PTGES2: variants seen among roughly 807,000 people sequenced by gnomAD.
PTGES2 encodes the protein prostaglandin E synthase 2.
PTGES2 carries 35 observed loss-of-function variants against 44.5 expected under a neutral mutation model. That is an observed-to-expected ratio of 0.79 (90% CI 0.60 to 1.04). The LOEUF is 1.04. PTGES2 is among the 50% of genes least tolerant of loss of function. The pLI, the probability that PTGES2 is intolerant of heterozygous loss-of-function variation, is 0.00. For synonymous variants in PTGES2, 221 were observed against 227.5 expected, an observed-to-expected ratio of 0.97 and a Z score of 0.26; for missense variants, 517 against 521.4, an observed-to-expected ratio of 0.99 and a Z score of 0.08.
chr9:128,122,423 A>G lies in PTGES2; in HGVS notation c.944T>C (p.Val315Ala), dbSNP rs1473084380. 6.2e-7 allele frequency: 1 copy of G among 1,614,030 alleles called. No homozygotes were observed. Among genetic ancestry groups the G allele is most frequent in the Admixed American group, 1.7e-5 (1 of 60,010 alleles). The change falls in exon 6 of 7, where the codon GTG (valine) becomes GCG (alanine). Residue 315 changes from valine to alanine, a missense_variant. Val to Ala is a moderately conservative substitution (Grantham distance 64). Transcript: ENST00000338961. ...GGGCCGGTCCTTGCCCACAGCAGCC[A>G]CCCACTTGTCAGCAGCCTCATAGAG... Reference protein sequence around the residue: ...EDLYEAADKWVAAVGKDRPFM... With the variant: ...EDLYEAADKWAAAVGKDRPFM...
upstream of PTGES2, chr9:128,127,805 C>A (rs918923561): frequency 1.0e-5 from 12 of 1,179,926 alleles, no homozygotes; most frequent in African/African-American, 1.9e-4. Flanking sequence ...TCTGGCGCCC[C>A]GCGGGTTGGC....
In PTGES2 at chr9:128,123,251, T is replaced by A; in HGVS notation, c.687-117A>T. ...AAGCTGAAGCCTGAGCAGGAAGGTCTTTTTTTTTTTTTTGAGACAAAGTCT... is the reference window on the plus strand; with the variant it reads ...AAGCTGAAGCCTGAGCAGGAAGGTCATTTTTTTTTTTTTGAGACAAAGTCT... On this transcript the variant is annotated intron_variant, in intron 4 of 6. Transcript: ENST00000338961. The surrounding 1 kb of genome is among the most constrained non-coding windows in gnomAD (Gnocchi z 4.4). 11 of 15,680 alleles carry A rather than the reference T, an allele frequency of 7.0e-4. No homozygotes were observed. The highest frequency in any genetic ancestry group is 4.1e-3 in the Non-Finnish European group (10 of 2,430). The allele number at this position is 15,680 out of a possible 1,614,324, so 1.0% of individuals were successfully genotyped here.
intron 6 of PTGES2, 48 bp from the exon 7 acceptor site, chr9:128,121,321 C>G (rs780826590): frequency 7.0e-6 from 11 of 1,581,836 alleles, no homozygotes; most frequent in Non-Finnish European, 9.5e-6. Flanking sequence ...TGACAGGCAT[C>G]CAGACCTCCT....
intron 1 of PTGES2, among the ~76,000 whole-genome samples, chr9:128,126,274 G>A (rs1834613118): frequency 6.6e-6 from 1 of 152,188 alleles, no homozygotes; most frequent in African/African-American, 2.4e-5. Context: ...TGGGCGGGTG[G>A]TGGGAAGTCA....
At chr9:128,124,746 A>G in intron 2 of PTGES2, 196 bp from the exon 3 acceptor site, 1 of 1,351,270 alleles carries the variant, frequency 7.4e-7, no homozygotes. Context: ...AAGGTGTGGG[A>G]AAGCCGTGGG....
rs2130849931 is a variant in PTGES2 at position 128,123,213 on chromosome 9, C to T, written c.687-79G>A. 1 of 1,377,652 alleles carries T rather than the reference C, an allele frequency of 7.3e-7. No individual in the cohort carries two copies. Among genetic ancestry groups the T allele is most frequent in the East Asian group, 2.4e-5 (1 of 41,624 alleles). The allele number at this position is 1,377,652 out of a possible 1,614,324, so 85.3% of individuals were successfully genotyped here. A position where few individuals can be genotyped will look rare whatever the true frequency, so the allele number is the denominator to read the frequency against. ...GGCTGCATTCTCTAGAACATACCCACTGCACGGGCGGGAAGCTGAAGCCTG... is the reference window on the plus strand; with the variant it reads ...GGCTGCATTCTCTAGAACATACCCATTGCACGGGCGGGAAGCTGAAGCCTG... On this transcript the variant is annotated intron_variant, in intron 4 of 6. Transcript: ENST00000338961. This position sits in a 1 kb window ranked among gnomAD's most constrained non-coding sequence, Gnocchi z 4.4.
intron 1 of PTGES2, 81 bp from the exon 2 acceptor site, chr9:128,125,522 A>C: frequency 7.6e-7 from 1 of 1,319,268 alleles, no homozygotes; most frequent in South Asian, 1.2e-5. Context: ...TTTCCAGAGG[A>C]GTCTTCTGAA....
At position 128,122,898 on chromosome 9, in the gene PTGES2, G is replaced by A. The variant is rs73669642; in HGVS notation, c.887+36C>T. ...CCACTGCTCGTGGCACCGGAGGCTC[G>A]GGGACAGCAGGCCCCGGATGTGCAC... On this transcript the variant is annotated intron_variant, in intron 5 of 6. Coordinates refer to ENST00000338961, the MANE Select transcript of PTGES2 (RefSeq NM_025072.7). 1,643 of 1,607,562 alleles carry A rather than the reference G, an allele frequency of 1.0e-3. 19 individuals carry two copies. The African/African-American group carries it at 0.02, about 19-fold the overall frequency.
At position 128,121,138 on chromosome 9, in the gene PTGES2, G is replaced by T; in HGVS notation, c.*7C>A. The T allele has an allele frequency of 6.3e-7, 1 of 1,580,700 alleles. No individual in the cohort carries two copies. Among genetic ancestry groups the T allele is most frequent in the East Asian group, 2.3e-5 (1 of 42,968 alleles). The stretch of plus-strand genomic sequence containing the variant: ...CGCTGCCTTCCCTCTGCTCTGCGCG[G>T]GGACATTCAGTGCGCTGGGGAGGCC... On this transcript the variant is annotated 3_prime_UTR_variant, in exon 7 of 7. Transcript: ENST00000338961.
rs943553976 is a variant in PTGES2 at position 128,123,942 on chromosome 9, C to T, written c.537-91G>A. The T allele has an allele frequency of 6.8e-7, 1 of 1,461,974 alleles. No homozygotes were observed. The highest frequency in any genetic ancestry group is 9.4e-7 in the Non-Finnish European group (1 of 1,063,952). The allele number at this position is 1,461,974 out of a possible 1,614,324, so 90.6% of individuals were successfully genotyped here. A position where few individuals can be genotyped will look rare whatever the true frequency, so the allele number is the denominator to read the frequency against. The stretch of plus-strand genomic sequence containing the variant: ...CGCTGCCCCAGCCTCAGAGTGGAGC[C>T]AGGACCAACAAAGGCTCTCCGGACT... On this transcript the variant is annotated intron_variant, in intron 3 of 6. Transcript: ENST00000338961. The surrounding 1 kb of genome is among the most constrained non-coding windows in gnomAD (Gnocchi z 4.4).
In PTGES2 at chr9:128,120,795, G is replaced by A. The variant is rs894686061; in HGVS notation, c.*350C>T. The A allele has an allele frequency of 8.1e-6, 2 of 248,408 alleles. No homozygotes were observed. Among genetic ancestry groups the A allele is most frequent in the African/African-American group, 2.3e-5 (1 of 44,216 alleles). The allele number at this position is 248,408 out of a possible 1,614,324, so 15.4% of individuals were successfully genotyped here. ...GAAGAGTGGGAACCAGGGGAACCCA[G>A]GGATGGGATTCCACTGAAAACAAAC... On this transcript the variant is annotated 3_prime_UTR_variant, in exon 7 of 7. Transcript: ENST00000338961.
At chr9:128,124,612 G>A in intron 2 of PTGES2, 62 bp from the exon 3 acceptor site, 1 of 1,530,332 alleles carries the variant, frequency 6.5e-7, no homozygotes, top group Non-Finnish European at 9.0e-7. Flanking sequence ...GTCACCAGGG[G>A]CTCTTTAACA....
At chr9:128,124,159 C>T (rs1170719141) in intron 3 of PTGES2, among the ~76,000 whole-genome samples, 3 of 152,070 alleles carry the variant, frequency 2.0e-5, no homozygotes, top group East Asian at 1.9e-4. Flanking sequence ...CTTGGCTCAC[C>T]GCAACCCTCT....
Position 128,121,071 on chromosome 9 carries a change from G to A in PTGES2, c.*74C>T. The A allele has an allele frequency of 3.3e-6, 5 of 1,534,960 alleles. No homozygotes were observed. The South Asian group carries it at 6.0e-5, about 18-fold the overall frequency. On this transcript the variant is annotated 3_prime_UTR_variant, in exon 7 of 7. Coordinates refer to ENST00000338961, the MANE Select transcript of PTGES2 (RefSeq NM_025072.7). The stretch of plus-strand genomic sequence containing the variant: ...TCCTGCCCCCAACCAGTATCGCCAG[G>A]CGCTGGCCCAGTGGCCCCAGGCCCT...
Position 128,121,151 on chromosome 9 carries a change from C to A in PTGES2, c.1128G>T (p.Ala376=). Reference sequence around the variant, plus strand: ...CTGCTCTGCGCGGGGACATTCAGTGCGCTGGGGAGGCCTCGGTGATGGCCC... The same window carrying A: ...CTGCTCTGCGCGGGGACATTCAGTGAGCTGGGGAGGCCTCGGTGATGGCCC... ...VERAITEASP[A]H is the part of the protein sequence containing the mutation. Residue 376 remains alanine (A), a synonymous_variant, in exon 7 of 7, where the codon GCG becomes GCT. Transcript: ENST00000338961. 2 of 1,585,422 alleles carry A rather than the reference C, an allele frequency of 1.3e-6. No individual in the cohort carries two copies. The highest frequency in any genetic ancestry group is 8.6e-7 in the Non-Finnish European group (1 of 1,166,174).
Position 128,127,539 on chromosome 9 carries a change from C to T in PTGES2, c.179G>A (p.Gly60Glu). The change falls in exon 1 of 7, where the codon GGA becomes GAA. Residue 60 changes from glycine to glutamate, a missense_variant. Transcript: ENST00000338961. ...AARKGSPRLL[G>E]AAALALGGAL... ...TCCCCCCAGGGCCAGCGCCGCAGCT[C>T]CCAGCAGCCGCGGGCTCCCCTTACG... 1 of 1,296,164 alleles carries T rather than the reference C, an allele frequency of 7.7e-7. No homozygotes were observed. Among genetic ancestry groups the T allele is most frequent in the African/African-American group, 1.5e-5 (1 of 65,038 alleles). The allele number at this position is 1,296,164 out of a possible 1,614,324, so 80.3% of individuals were successfully genotyped here. A position where few individuals can be genotyped will look rare whatever the true frequency, so the allele number is the denominator to read the frequency against.
chr9:128,123,680 C>CCCCA lies in PTGES2; in HGVS notation c.686+21_686+22insTGGG. 2.5e-6 allele frequency: 4 copies of CCCCA among 1,607,252 alleles called. No homozygotes were observed. Among genetic ancestry groups the CCCCA allele is most frequent in the East Asian group, 4.5e-5 (2 of 44,700 alleles). On this transcript the variant is annotated intron_variant, in intron 4 of 6. Coordinates refer to ENST00000338961, the MANE Select transcript of PTGES2 (RefSeq NM_025072.7). This position sits in a 1 kb window ranked among gnomAD's most constrained non-coding sequence, Gnocchi z 4.4. ...GACCCCTGCGGTCACCACCTTCCCC[C>CCCCA]GCCAGCCCCAGCCCCACTCACGTCC...
In PTGES2 at chr9:128,125,409, C is replaced by A. The variant is rs371298051; in HGVS notation, c.312G>T (p.Leu104=). ...AGAAGGGACACGTCTTGTACTGGTA[C>A]AGGGTCAGCTGCAGGCGGCTGGACA... ...LSLSSRLQLT[L]YQYKTCPFCS... The change falls in exon 2 of 7, where the codon CTG becomes CTT. Residue 104 remains leucine, a synonymous_variant. Transcript: ENST00000338961. 6.2e-7 allele frequency: 1 copy of A among 1,614,136 alleles called. No homozygotes were observed. Among genetic ancestry groups the A allele is most frequent in the East Asian group, 2.2e-5 (1 of 44,886 alleles).
At position 128,122,404 on chromosome 9, in the gene PTGES2, G is replaced by A; in HGVS notation, c.963C>T (p.Asp321=). 6.2e-7 allele frequency: 1 copy of A among 1,614,196 alleles called. No homozygotes were observed. ...ADKWVAAVGK[D]RPFMGGQKPN... is the part of the protein sequence containing the mutation. ...GCTTCTGGCCCCCCATGAAGGGCCGGTCCTTGCCCACAGCAGCCACCCACT... is the reference window on the plus strand; with the variant it reads ...GCTTCTGGCCCCCCATGAAGGGCCGATCCTTGCCCACAGCAGCCACCCACT... Residue 321 remains aspartate, a synonymous_variant, in exon 6 of 7, where the codon GAC becomes GAT. Transcript: ENST00000338961.
Sources: gnomAD v4.1 joint callset for allele counts (sites outside exome capture counted in the v4.1 genomes callset) on GRCh38, gnomAD v4.1.1 for gene constraint, Gnocchi (gnomAD v3.1) non-coding constraint, MANE v1.5 for transcripts, NCBI Gene and HGNC (gene_info 2026-07-23, HGNC 2026-07-21) for gene names.